SEMA6D: variants seen among roughly 807,000 people sequenced by gnomAD.
SEMA6D encodes the protein semaphorin 6D, also known as semaphorin-6D.
SEMA6D carries 35 observed loss-of-function variants against 106.6 expected under a neutral mutation model. That is an observed-to-expected ratio of 0.33 (90% CI 0.25 to 0.44). The LOEUF is 0.44. Ranked by LOEUF, SEMA6D falls within the 20% of genes least tolerant of loss-of-function variation. The pLI is 1.00. For missense variants in SEMA6D, 1,185 were observed against 1,345.9 expected, an observed-to-expected ratio of 0.88 and a Z score of 1.87; for synonymous variants, 499 against 487.7, an observed-to-expected ratio of 1.02 and a Z score of -0.31.
chr15:47,683,589 T>C (rs1472215459), intron 4 of SEMA6D, among the ~76,000 whole-genome samples: 1 of 152,228 alleles, frequency 6.6e-6, no homozygotes, highest in Admixed American at 6.5e-5. Context: ...GAATGTGATA[T>C]ATTTGGTTAT....
At chr15:47,290,481 C>T (rs2035549755) in intron 1 of SEMA6D, among the ~76,000 whole-genome samples, 1 of 152,042 alleles carries the variant, frequency 6.6e-6, no homozygotes, top group Non-Finnish European at 1.5e-5. Flanking sequence ...AAGAAACAGA[C>T]ATGTTTTTTA....
intron 1 of SEMA6D, among the ~76,000 whole-genome samples, chr15:47,299,612 T>C (rs892961446): frequency 6.6e-6 from 1 of 152,182 alleles, no homozygotes; most frequent in South Asian, 2.1e-4. Flanking sequence ...AAATATGGAC[T>C]GGTAAGGAAA....
chr15:47,321,815 T>G (rs1019291747), intron 1 of SEMA6D, among the ~76,000 whole-genome samples: 16 of 152,188 alleles, frequency 1.1e-4, no homozygotes, highest in African/African-American at 3.9e-4. Context: ...CCTGTTCTAT[T>G]GGGCTATTTT....
At chr15:47,341,648 A>G (rs1373128542) in intron 1 of SEMA6D, among the ~76,000 whole-genome samples, 2 of 152,156 alleles carry the variant, frequency 1.3e-5, no homozygotes, top group Admixed American at 6.5e-5. Context: ...TTTTTTAACT[A>G]TAAAATTATA....
At chr15:47,528,946 T>A in intron 3 of SEMA6D, among the ~76,000 whole-genome samples, 1 of 152,296 alleles carries the variant, frequency 6.6e-6, no homozygotes, top group Non-Finnish European at 1.5e-5. Context: ...TTAACGCATA[T>A]GTTCATGTTA....
At chr15:47,327,729 C>T (rs926745686) in intron 1 of SEMA6D, among the ~76,000 whole-genome samples, 4 of 152,076 alleles carry the variant, frequency 2.6e-5, no homozygotes, top group Non-Finnish European at 5.9e-5. Flanking sequence ...TGGGAAATAC[C>T]GTTGGTAGTG....
At chr15:47,263,269 A>T (rs1263339053) in intron 1 of SEMA6D, among the ~76,000 whole-genome samples, 1 of 152,164 alleles carries the variant, frequency 6.6e-6, no homozygotes, top group African/African-American at 2.4e-5. Flanking sequence ...CAACCTACAG[A>T]ATGGGAGGAA....
chr15:47,387,532 T>C (rs2039882809), intron 1 of SEMA6D, among the ~76,000 whole-genome samples: 1 of 152,328 alleles, frequency 6.6e-6, no homozygotes, highest in South Asian at 2.1e-4. Flanking sequence ...ATGAATAATG[T>C]TGAAAGTGCC....
chr15:47,277,944 A>G (rs2034914393), intron 1 of SEMA6D, among the ~76,000 whole-genome samples: 1 of 151,926 alleles, frequency 6.6e-6, no homozygotes, highest in African/African-American at 2.4e-5. Flanking sequence ...ACATGAACTC[A>G]TCATTTTTTA....
chr15:47,509,127 C>A (rs1253564868), intron 3 of SEMA6D, among the ~76,000 whole-genome samples: 1 of 152,170 alleles, frequency 6.6e-6, no homozygotes, highest in East Asian at 1.9e-4. Context: ...TGCTTCCACA[C>A]CCATACAGCT....
At chr15:47,347,205 A>T (rs1204026665) in intron 1 of SEMA6D, among the ~76,000 whole-genome samples, 1 of 152,114 alleles carries the variant, frequency 6.6e-6, no homozygotes, top group Non-Finnish European at 1.5e-5. Flanking sequence ...ACCACACCAA[A>T]AGAGTTTTTC....
chr15:47,348,843 T>A (rs1169367525), intron 1 of SEMA6D, among the ~76,000 whole-genome samples: 1 of 148,506 alleles, frequency 6.7e-6, no homozygotes, highest in Non-Finnish European at 1.5e-5. Context: ...TTAAGAGGAG[T>A]GAATATTTAG....
chr15:47,373,434 A>T (rs563261608), intron 1 of SEMA6D, among the ~76,000 whole-genome samples: 13 of 152,292 alleles, frequency 8.5e-5, no homozygotes, highest in African/African-American at 3.1e-4. Context: ...CATGACTATG[A>T]TCAGCATCTT....
intron 4 of SEMA6D, among the ~76,000 whole-genome samples, chr15:47,656,072 G>C (rs553735696): frequency 2.6e-5 from 4 of 152,190 alleles, no homozygotes; most frequent in East Asian, 1.9e-4. Flanking sequence ...CTGACATACT[G>C]TCTAATGTTC....
chr15:47,542,924 C>G (rs1354639439), intron 3 of SEMA6D, among the ~76,000 whole-genome samples: 1 of 152,116 alleles, frequency 6.6e-6, no homozygotes, highest in African/African-American at 2.4e-5. Context: ...AGGCTCAGGA[C>G]AGAAGCCAGC....
intron 1 of SEMA6D, among the ~76,000 whole-genome samples, chr15:47,752,819 G>T (rs954754128): frequency 3.3e-5 from 5 of 152,042 alleles, no homozygotes; most frequent in Non-Finnish European, 5.9e-5. Flanking sequence ...GACCAGCCTG[G>T]CCAACATGAT....
chr15:47,190,465 A>C (rs1893885258), intron 1 of SEMA6D, among the ~76,000 whole-genome samples: 1 of 152,314 alleles, frequency 6.6e-6, no homozygotes. Flanking sequence ...TTTCCATTAC[A>C]ATTTGTGTAT....
At chr15:47,634,723 C>G (rs923977490) in intron 4 of SEMA6D, among the ~76,000 whole-genome samples, 1 of 151,922 alleles carries the variant, frequency 6.6e-6, no homozygotes, top group African/African-American at 2.4e-5. Flanking sequence ...GCAATTGTAG[C>G]ACTGCCTCTG....
intron 4 of SEMA6D, among the ~76,000 whole-genome samples, chr15:47,617,198 TA>T (rs1325479617): frequency 1.3e-5 from 2 of 152,184 alleles, no homozygotes; most frequent in Non-Finnish European, 2.9e-5. Flanking sequence ...CTTCCAAGGT[TA>T]CCTACCTTCT....
Sources: allele counts gnomAD v4.1 joint callset (sites outside exome capture counted in the v4.1 genomes callset), GRCh38; gene constraint gnomAD v4.1.1; transcripts MANE v1.5; gene names NCBI Gene and HGNC (gene_info 2026-07-23, HGNC 2026-07-21).